The following CNTNAP2 variants were observed in gnomAD, a reference collection of about 807,000 sequenced individuals.
CNTNAP2 encodes the protein contactin associated protein 2.
Under a neutral mutation model 155.2 loss-of-function variants are expected in CNTNAP2, and 98 were observed. The ratio of observed to expected loss-of-function variants is 0.63; its 90% CI spans 0.54 to 0.75. The LOEUF is 0.75. Among genes scored for constraint, CNTNAP2 ranks in the 30% least tolerant of loss-of-function variants. CNTNAP2 has a pLI of 0.00. For missense variants in CNTNAP2, 1,727 were observed against 1,688.1 expected (o/e 1.02, Z -0.40); for synonymous variants, 651 against 631.2 (o/e 1.03, Z -0.47).
intron 15 of CNTNAP2, among the ~76,000 whole-genome samples, chr7:148,116,991 G>A (rs1859540): frequency 0.29 from 43,695 of 152,100 alleles, 7,938 homozygotes; most frequent in East Asian, 0.68. Flanking sequence ...GTGACAGTAA[G>A]TGTACTCAGA....
chr7:148,168,224 A>G (rs1363549376), intron 17 of CNTNAP2, among the ~76,000 whole-genome samples: 2 of 152,024 alleles, frequency 1.3e-5, no homozygotes. Flanking sequence ...ATATACCCAA[A>G]GGATTATAAA....
At chr7:146,791,239 C>G (rs1227156022) in intron 2 of CNTNAP2, among the ~76,000 whole-genome samples, 2 of 152,128 alleles carry the variant, frequency 1.3e-5, no homozygotes, top group African/African-American at 4.8e-5. Flanking sequence ...CGGTTTCCAG[C>G]TTCATCCATG....
chr7:146,153,378 G>A (rs577155511), intron 1 of CNTNAP2, among the ~76,000 whole-genome samples: 12 of 152,116 alleles, frequency 7.9e-5, no homozygotes, highest in South Asian at 2.1e-4. Context: ...TTTAGGAAGC[G>A]TGGCCAAATT....
intron 18 of CNTNAP2, among the ~76,000 whole-genome samples, chr7:148,174,654 C>T (rs545992528): frequency 1.6e-4 from 24 of 152,140 alleles, no homozygotes; most frequent in Non-Finnish European, 2.8e-4. Context: ...CATGCATACA[C>T]GCAGAGATGA....
chr7:147,991,517 G>T (rs1030031251), intron 15 of CNTNAP2, among the ~76,000 whole-genome samples: 1 of 151,830 alleles, frequency 6.6e-6, no homozygotes, highest in African/African-American at 2.4e-5. Context: ...TTAACTAAAT[G>T]AAAACTTTTA....
rs1198817685 is a variant in CNTNAP2, at chr7:146,442,999, A to G, written c.97+326026A>G. On this transcript the variant is annotated intron_variant, in intron 1 of 23. Coordinates refer to ENST00000361727, the MANE Select transcript of CNTNAP2 (RefSeq NM_014141.6). ...AGGCGGGCAGATCACCAGGTCAGGA[A>G]ATCGAGACAATCCTGGCTAGCACAG... Among the ~76,000 whole-genome samples, 5 of 151,934 alleles carry G rather than the reference A, an allele frequency of 3.3e-5. No homozygotes were observed. The East Asian group carries it at 9.7e-4, about 29-fold the overall frequency.
At chr7:147,484,843 A>G (rs1366898225) in intron 10 of CNTNAP2, among the ~76,000 whole-genome samples, 1 of 152,180 alleles carries the variant, frequency 6.6e-6, no homozygotes, top group Non-Finnish European at 1.5e-5. Context: ...ATGATTATAG[A>G]TTCTGCTATT....
At chr7:148,223,804 CAAG>C (rs1795792775) in intron 19 of CNTNAP2, among the ~76,000 whole-genome samples, 1 of 151,700 alleles carries the variant, frequency 6.6e-6, no homozygotes, top group Admixed American at 6.6e-5. Flanking sequence ...TTACAAAGTC[CAAG>C]AAGGACAGAA....
intron 21 of CNTNAP2, among the ~76,000 whole-genome samples, chr7:148,308,222 A>T (rs1432701877): frequency 6.6e-6 from 1 of 152,130 alleles, no homozygotes; most frequent in Non-Finnish European, 1.5e-5. Context: ...AGAATATAAA[A>T]TTATATATAG....
intron 13 of CNTNAP2, among the ~76,000 whole-genome samples, chr7:147,734,245 A>G (rs1796797992): frequency 6.6e-6 from 1 of 152,194 alleles, no homozygotes; most frequent in African/African-American, 2.4e-5. Context: ...AATTTTGTCA[A>G]AGGCCTTTTC....
intron 21 of CNTNAP2, among the ~76,000 whole-genome samples, chr7:148,309,087 T>C (rs930615087): frequency 6.6e-6 from 1 of 152,182 alleles, no homozygotes; most frequent in African/African-American, 2.4e-5. Context: ...TTTGGGTATA[T>C]AGCCAGTAAT....
intron 15 of CNTNAP2, among the ~76,000 whole-genome samples, chr7:147,978,773 G>A (rs752538022): frequency 3.7e-4 from 57 of 152,094 alleles, no homozygotes; most frequent in Non-Finnish European, 5.9e-4. Context: ...CAACTCTCCT[G>A]AGAGTTCTAT....
chr7:147,517,394 T>C (rs1222380339), intron 11 of CNTNAP2, among the ~76,000 whole-genome samples: 1 of 152,186 alleles, frequency 6.6e-6, no homozygotes. Context: ...TTTTTCACCA[T>C]GTGCTAAAAG....
chr7:146,603,366 C>A lies in CNTNAP2; in HGVS notation c.98-170905C>A, dbSNP rs1025994717. ...GGCGGAACTTGCAGTGAGCCGAGAC[C>A]GCGCCACTGCACTCCAGCCTGGGGG... On this transcript the variant is annotated intron_variant, in intron 1 of 23. Transcript: ENST00000361727. Among the ~76,000 whole-genome samples the A allele has an allele frequency of 1.1e-4, 17 of 150,260 alleles. 3 individuals are homozygous for A. The highest frequency in any genetic ancestry group is 1.0e-4 in the Non-Finnish European group (7 of 67,580).
intron 9 of CNTNAP2, among the ~76,000 whole-genome samples, chr7:147,386,791 CTTTT>C (rs1215010759): frequency 3.9e-5 from 6 of 152,204 alleles, no homozygotes; most frequent in Admixed American, 3.3e-4. Context: ...TTTCAGGATT[CTTTT>C]CAGCAGCACC....
At chr7:147,481,955 A>G (rs918784752) in intron 10 of CNTNAP2, among the ~76,000 whole-genome samples, 2 of 152,176 alleles carry the variant, frequency 1.3e-5, no homozygotes, top group African/African-American at 4.8e-5. Context: ...TCATAGATAC[A>G]AATAATCTAT....
chr7:147,744,583 A>G (rs1333405217), intron 13 of CNTNAP2, among the ~76,000 whole-genome samples: 1 of 152,234 alleles, frequency 6.6e-6, no homozygotes, highest in East Asian at 1.9e-4. Flanking sequence ...TTTCCATAAT[A>G]AAATAACAAA....
intron 3 of CNTNAP2, among the ~76,000 whole-genome samples, chr7:146,915,194 A>G (rs542329612): frequency 6.6e-6 from 1 of 152,198 alleles, no homozygotes; most frequent in South Asian, 2.1e-4. Flanking sequence ...TACCAGTACC[A>G]TGCTGTTTTG....
chr7:146,325,271 A>G (rs2129093514), intron 1 of CNTNAP2, among the ~76,000 whole-genome samples: 1 of 152,286 alleles, frequency 6.6e-6, no homozygotes, highest in South Asian at 2.1e-4. Flanking sequence ...AAGTAGAAAA[A>G]TCTTGATGAG....
Sources: allele counts gnomAD v4.1 joint callset (sites outside exome capture counted in the v4.1 genomes callset), GRCh38; gene constraint gnomAD v4.1.1; transcripts MANE v1.5; gene names NCBI Gene and HGNC (gene_info 2026-07-23, HGNC 2026-07-21).